The following C10orf90 variants were observed in gnomAD, a reference collection of about 807,000 sequenced individuals.
C10orf90 encodes the protein chromosome 10 open reading frame 90.
C10orf90 carries 56 observed loss-of-function variants against 62.5 expected under a neutral mutation model. The ratio of observed to expected loss-of-function variants is 0.90; its 90% CI spans 0.72 to 1.12. C10orf90 has a LOEUF of 1.12. Ranked by LOEUF, C10orf90 falls within the 50% of genes most tolerant of loss-of-function variation. The pLI, the probability that C10orf90 is intolerant of heterozygous loss-of-function variation, is 0.00. For missense variants in C10orf90, 970 were observed against 880.4 expected (o/e 1.10, Z -1.29); for synonymous variants, 386 against 340.4 (o/e 1.13, Z -1.47).
chr10:126,547,825 A>G (rs1163401299), intron 2 of C10orf90, among the ~76,000 whole-genome samples: 1 of 152,152 alleles, frequency 6.6e-6, no homozygotes, highest in Non-Finnish European at 1.5e-5. Context: ...AAATTGCCCA[A>G]ACTGAATAAC....
intron 2 of C10orf90, among the ~76,000 whole-genome samples, chr10:126,629,967 C>T (rs949425667): frequency 4.6e-5 from 7 of 152,214 alleles, no homozygotes; most frequent in Non-Finnish European, 1.0e-4. Context: ...TCACCAACTT[C>T]TCTTTTAGCT....
intron 7 of C10orf90, among the ~76,000 whole-genome samples, chr10:126,451,567 T>G (rs964112752): frequency 6.6e-6 from 1 of 151,984 alleles, no homozygotes; most frequent in African/African-American, 2.4e-5. Context: ...AAAGATCAAT[T>G]TATGCCTATT....
intron 2 of C10orf90, among the ~76,000 whole-genome samples, chr10:126,534,167 C>G (rs929838033): frequency 1.3e-5 from 2 of 152,230 alleles, no homozygotes; most frequent in African/African-American, 4.8e-5. Context: ...TCCTCGAGAA[C>G]CCTCTGCATT....
In C10orf90 at chr10:126,504,507, C is replaced by T; in HGVS notation, c.984G>A (p.Glu328=). The T allele has an allele frequency of 6.2e-7, 1 of 1,614,238 alleles. No homozygotes were observed. Among genetic ancestry groups the T allele is most frequent in the African/African-American group, 1.3e-5 (1 of 75,058 alleles). The change falls in exon 4 of 10, where the codon GAG becomes GAA. Residue 328 remains glutamate (E), a synonymous_variant. Transcript: ENST00000488181. This position sits in a 1 kb window ranked among gnomAD's most constrained non-coding sequence, Gnocchi z 4.1. ...KYWVTHADDK[E]TSFSPDTPLS... ...GTGGGGTGTCTGGAGAAAAACTGGT[C>T]TCTTTGTCGTCTGCATGGGTGACCC...
intron 4 of C10orf90, among the ~76,000 whole-genome samples, chr10:126,471,668 T>C (rs910988206): frequency 5.3e-5 from 8 of 152,176 alleles, no homozygotes; most frequent in African/African-American, 7.2e-5. Context: ...AGTTTCAAGG[T>C]ACCATGTGGG....
In C10orf90 at chr10:126,595,935, C is replaced by T. The variant is rs550887276; in HGVS notation, c.313+50630G>A. 2.6e-5 allele frequency among the ~76,000 whole-genome samples: 4 copies of T among 152,104 alleles called. No individual in the cohort carries two copies. In the South Asian group the frequency reaches 8.3e-4, roughly 32 times the overall value. On this transcript the variant is annotated intron_variant, in intron 2 of 9. Transcript: ENST00000488181. ...AAAAAAAATAAACCTCAGCCTGTAC[C>T]TCACACCACACATGAAAATTAATTT...
intron 2 of C10orf90, among the ~76,000 whole-genome samples, chr10:126,581,739 C>G (rs193057443): frequency 1.6e-4 from 24 of 152,276 alleles, no homozygotes; most frequent in Non-Finnish European, 1.5e-5. Flanking sequence ...AAATTCCTCA[C>G]GTTGTGATTC....
chr10:126,606,142 G>C (rs1412014258), intron 2 of C10orf90, among the ~76,000 whole-genome samples: 1 of 152,168 alleles, frequency 6.6e-6, no homozygotes, highest in Non-Finnish European at 1.5e-5. Flanking sequence ...GCATTCTCAA[G>C]GGCTCTGCCC....
At chr10:126,655,519 T>C (rs757298274) in intron 1 of C10orf90, among the ~76,000 whole-genome samples, 1 of 152,152 alleles carries the variant, frequency 6.6e-6, no homozygotes, top group Non-Finnish European at 1.5e-5. Flanking sequence ...AAGTATGTGA[T>C]ATCTGCAAAG....
intron 2 of C10orf90, among the ~76,000 whole-genome samples, chr10:126,638,408 C>T (rs1022772170): frequency 2.6e-5 from 4 of 152,146 alleles, no homozygotes; most frequent in Non-Finnish European, 4.4e-5. Context: ...CTGCCTCTTG[C>T]CTGGTTGGTG....
chr10:126,539,047 C>G (rs1410517960), intron 2 of C10orf90, among the ~76,000 whole-genome samples: 2 of 152,202 alleles, frequency 1.3e-5, no homozygotes, highest in Non-Finnish European at 2.9e-5. Context: ...GTTGATTAAA[C>G]ATCCCCAGCT....
intron 4 of C10orf90, among the ~76,000 whole-genome samples, chr10:126,498,353 GC>G (rs1862191750): frequency 6.6e-6 from 1 of 152,120 alleles, no homozygotes; most frequent in African/African-American, 2.4e-5. Context: ...CCAAGTCACT[GC>G]CCCCACTCCT....
intron 2 of C10orf90, among the ~76,000 whole-genome samples, chr10:126,620,733 G>C (rs1010109860): frequency 6.7e-6 from 1 of 149,468 alleles, no homozygotes; most frequent in Non-Finnish European, 1.5e-5. Flanking sequence ...TTACTGGTCA[G>C]TGGGGGCTAG....
intron 4 of C10orf90, among the ~76,000 whole-genome samples, chr10:126,481,587 C>T (rs1861162769): frequency 1.3e-5 from 2 of 152,186 alleles, no homozygotes; most frequent in Non-Finnish European, 2.9e-5. Flanking sequence ...TGCACCATTC[C>T]CTCTGTGTCA....
rs974124630 is a variant in C10orf90, at chr10:126,456,520, A to G, written c.2188+2520T>C. 3.3e-5 allele frequency among the ~76,000 whole-genome samples: 5 copies of G among 152,184 alleles called. No homozygotes were observed. Among genetic ancestry groups the G allele is most frequent in the Admixed American group, 6.5e-5 (1 of 15,270 alleles). On this transcript the variant is annotated intron_variant, in intron 7 of 9. Transcript: ENST00000488181. This position sits in a 1 kb window ranked among gnomAD's most constrained non-coding sequence, Gnocchi z 4.9. ...TTTAAAAGAATGTGAACTTGTAAGGATATTTGTTTCGGGCAAACACCACAG... is the reference window on the plus strand; with the variant it reads ...TTTAAAAGAATGTGAACTTGTAAGGGTATTTGTTTCGGGCAAACACCACAG...
intron 4 of C10orf90, among the ~76,000 whole-genome samples, chr10:126,497,443 T>C (rs1363141323): frequency 6.6e-6 from 1 of 152,222 alleles, no homozygotes; most frequent in African/African-American, 2.4e-5. Context: ...CCTTTGACTC[T>C]GAGCATCGCT....
chr10:126,469,550 C>A lies in C10orf90; in HGVS notation c.1535-4564G>T, dbSNP rs114641332. ...CTGTGTCTTAAGAGTTCCAGTAACC[C>A]AAGCTTGTGTCATTGTCTCTGGGCC... On this transcript the variant is annotated intron_variant, in intron 4 of 9. Transcript: ENST00000488181. 2.6e-3 allele frequency among the ~76,000 whole-genome samples: 396 copies of A among 152,274 alleles called. 1 individual carries two copies. Among genetic ancestry groups the A allele is most frequent in the African/African-American group, 8.2e-3 (340 of 41,548 alleles).
intron 4 of C10orf90, among the ~76,000 whole-genome samples, chr10:126,468,805 G>A (rs1860423504): frequency 6.6e-6 from 1 of 152,172 alleles, no homozygotes; most frequent in Non-Finnish European, 1.5e-5. Context: ...TCTGGGCTAG[G>A]TGGGGACACC....
chr10:126,655,266 C>T (rs752380894), intron 1 of C10orf90, among the ~76,000 whole-genome samples: 13 of 151,868 alleles, frequency 8.6e-5, no homozygotes, highest in Non-Finnish European at 1.6e-4. Flanking sequence ...GGCAGTGGGC[C>T]GAGATCGTTC....
Sources: allele counts gnomAD v4.1 joint callset (sites outside exome capture counted in the v4.1 genomes callset), GRCh38; gene constraint gnomAD v4.1.1; non-coding constraint Gnocchi (gnomAD v3.1); transcripts MANE v1.5; gene names NCBI Gene and HGNC (gene_info 2026-07-23, HGNC 2026-07-21).